The following GABRG3 variants were observed in gnomAD, a reference collection of about 807,000 sequenced individuals.
The protein encoded by GABRG3 is gamma-aminobutyric acid type A receptor subunit gamma3.
In GABRG3, 25 loss-of-function variants were observed where a neutral mutation model predicts 48.8. That is an observed-to-expected ratio of 0.51 (90% CI 0.37 to 0.72). GABRG3 has a LOEUF of 0.72. Ranked by LOEUF, GABRG3 falls within the 30% of genes least tolerant of loss-of-function variation. GABRG3 has a pLI of 0.00. For synonymous variants in GABRG3, 227 were observed against 217.6 expected (o/e 1.04, Z -0.38); for missense variants, 394 against 577.9 (o/e 0.68, Z 3.26).
At position 27,251,458 on chromosome 15, in the gene GABRG3, A is replaced by G. The variant is rs546349280; in HGVS notation, c.271-75351A>G. Among the ~76,000 whole-genome samples the G allele has an allele frequency of 1.6e-4, 24 of 152,164 alleles. 1 individual carries two copies. Among genetic ancestry groups the G allele is most frequent in the Admixed American group, 4.6e-4 (7 of 15,282 alleles). On this transcript the variant is annotated intron_variant, in intron 3 of 9. Transcript: ENST00000615808. ...CAGTGTAGAATACATGGAGAGTCCA[A>G]TCTCCCTTGGACACACGTATTTGCA...
At chr15:27,010,853 G>A (rs1020673415) in intron 2 of GABRG3, among the ~76,000 whole-genome samples, 11 of 151,984 alleles carry the variant, frequency 7.2e-5, no homozygotes, top group Admixed American at 1.3e-4. Context: ...TTGTTTGTTC[G>A]TTTTGTTTTT....
At chr15:27,470,403 T>A (rs374676404) in intron 5 of GABRG3, among the ~76,000 whole-genome samples, 1 of 151,918 alleles carries the variant, frequency 6.6e-6, no homozygotes, top group Non-Finnish European at 1.5e-5. Flanking sequence ...TTTTTTTAAA[T>A]TTGTATTTTA....
chr15:27,478,459 C>T (rs1890014144), intron 5 of GABRG3, among the ~76,000 whole-genome samples: 1 of 152,160 alleles, frequency 6.6e-6, no homozygotes, highest in Admixed American at 6.5e-5. Context: ...TGATATGCCA[C>T]GTCACACCTG....
At chr15:27,346,412 T>C (rs1417743528) in intron 5 of GABRG3, among the ~76,000 whole-genome samples, 1 of 152,214 alleles carries the variant, frequency 6.6e-6, no homozygotes, top group East Asian at 1.9e-4. Context: ...TTTAATTGCA[T>C]TTTACATTTA....
intron 5 of GABRG3, among the ~76,000 whole-genome samples, chr15:27,349,237 G>A (rs141246531): frequency 0.041 from 6,271 of 151,618 alleles, 273 homozygotes; most frequent in African/African-American, 0.1. Flanking sequence ...CTATATATAC[G>A]GTATGTATAA....
chr15:27,324,728 C>T (rs1048335982), intron 3 of GABRG3, among the ~76,000 whole-genome samples: 1 of 152,202 alleles, frequency 6.6e-6, no homozygotes, highest in African/African-American at 2.4e-5. Context: ...ATGTGCACAG[C>T]CACATTCAGA....
chr15:27,361,163 T>C (rs979810792), intron 5 of GABRG3, among the ~76,000 whole-genome samples: 1 of 152,176 alleles, frequency 6.6e-6, no homozygotes, highest in Admixed American at 6.5e-5. Flanking sequence ...GAGAGCAGGG[T>C]ACTTCTTAGT....
chr15:27,061,446 C>G (rs1896643534), intron 3 of GABRG3, among the ~76,000 whole-genome samples: 8 of 142,676 alleles, frequency 5.6e-5, no homozygotes, highest in Admixed American at 5.6e-4. Flanking sequence ...GGTAACTGCT[C>G]TTTTTTTTTT....
At chr15:27,488,116 C>CAAA (rs1044967104) in intron 6 of GABRG3, among the ~76,000 whole-genome samples, 43 of 152,284 alleles carry the variant, frequency 2.8e-4, no homozygotes, top group African/African-American at 1.0e-3. Context: ...TGTTCCTGCC[C>CAAA]ACATCCTAGC....
intron 3 of GABRG3, among the ~76,000 whole-genome samples, chr15:27,144,910 C>T (rs911049074): frequency 5.3e-5 from 8 of 152,152 alleles, no homozygotes; most frequent in Admixed American, 5.2e-4. Context: ...ACTAACTTAG[C>T]TAAGATGTCA....
chr15:27,172,128 A>G (rs1156670136), intron 3 of GABRG3, among the ~76,000 whole-genome samples: 2 of 152,314 alleles, frequency 1.3e-5, no homozygotes, highest in East Asian at 3.9e-4. Flanking sequence ...TACCATTACA[A>G]TGGGAGTTAA....
At chr15:27,449,148 T>A (rs1889033252) in intron 5 of GABRG3, among the ~76,000 whole-genome samples, 1 of 152,208 alleles carries the variant, frequency 6.6e-6, no homozygotes, top group South Asian at 2.1e-4. Context: ...GGTGCCTCCC[T>A]GCACCAATAA....
chr15:27,080,708 T>G (rs1207183853), intron 3 of GABRG3, among the ~76,000 whole-genome samples: 2 of 152,240 alleles, frequency 1.3e-5, no homozygotes, highest in Non-Finnish European at 2.9e-5. Context: ...AAGAGATTGC[T>G]TATAAGCAGT....
At chr15:27,444,709 A>T (rs1269717991) in intron 5 of GABRG3, among the ~76,000 whole-genome samples, 1 of 151,970 alleles carries the variant, frequency 6.6e-6, no homozygotes, top group African/African-American at 2.4e-5. Flanking sequence ...CTCCTCCTTT[A>T]TTCTCTTCCT....
At chr15:27,307,730 T>C (rs917052232) in intron 3 of GABRG3, among the ~76,000 whole-genome samples, 1 of 131,560 alleles carries the variant, frequency 7.6e-6, no homozygotes, top group Non-Finnish European at 1.6e-5. Flanking sequence ...TATATATAAA[T>C]ATATAATCAT....
intron 3 of GABRG3, among the ~76,000 whole-genome samples, chr15:27,313,774 C>T (rs546719057): frequency 3.4e-4 from 51 of 152,070 alleles, no homozygotes; most frequent in African/African-American, 1.2e-3. Context: ...TACCTTGAGA[C>T]CAATGAAACG....
intron 3 of GABRG3, among the ~76,000 whole-genome samples, chr15:27,220,131 GTT>G (rs1417623716): frequency 6.6e-6 from 1 of 152,190 alleles, no homozygotes; most frequent in East Asian, 1.9e-4. Flanking sequence ...ACAGGCAAGA[GTT>G]TTTAAAGGCA....
intron 5 of GABRG3, among the ~76,000 whole-genome samples, chr15:27,351,479 GGT>G (rs537093826): frequency 7.2e-6 from 1 of 138,398 alleles, no homozygotes; most frequent in Admixed American, 7.2e-5. Flanking sequence ...ATGTTTGTAT[GGT>G]GTGTGTATGG....
chr15:27,503,091 A>G (rs1004963592), intron 6 of GABRG3, among the ~76,000 whole-genome samples: 1 of 152,200 alleles, frequency 6.6e-6, no homozygotes, highest in Admixed American at 6.5e-5. Flanking sequence ...GTGAGGCTGA[A>G]AGTCCCAGCC....
Sources: allele counts gnomAD v4.1 joint callset (sites outside exome capture counted in the v4.1 genomes callset), GRCh38; gene constraint gnomAD v4.1.1; transcripts MANE v1.5; gene names NCBI Gene and HGNC (gene_info 2026-07-23, HGNC 2026-07-21).